AATK: variants seen among roughly 807,000 people sequenced by gnomAD.
AATK encodes serine/threonine-protein kinase LMTK1.
A neutral mutation model predicts 114.3 loss-of-function variants in AATK; 91 were observed. The ratio of observed to expected loss-of-function variants is 0.80; its 90% CI spans 0.67 to 0.95. The LOEUF is 0.95. AATK is among the 40% of genes least tolerant of loss of function. AATK has a pLI of 0.00. For missense variants in AATK, 2,176 were observed against 1,965.2 expected (o/e 1.11, Z -2.03); for synonymous variants, 1,075 against 916.5 (o/e 1.17, Z -3.12).
At chr17:81,119,261 CGG>C in intron 13 of AATK, 117 bp downstream of exon 13, 1 of 1,082,450 alleles carries the variant, frequency 9.2e-7, no homozygotes, top group Non-Finnish European at 1.2e-6. Flanking sequence ...CGGGAAGGAG[CGG>C]AGCGGAGCGG....
At chr17:81,165,264 G>A (rs966597229) in intron 1 of AATK, among the ~76,000 whole-genome samples, 2 of 152,242 alleles carry the variant, frequency 1.3e-5, no homozygotes, top group Admixed American at 1.3e-4. Flanking sequence ...ACAGCCAGGA[G>A]GCCAGGCAGC....
chr17:81,125,248 G>C (rs747701156), intron 7 of AATK: 8 of 721,228 alleles, frequency 1.1e-5, no homozygotes, highest in South Asian at 1.0e-4. Flanking sequence ...GGGAGGGACT[G>C]TGTGCGTGGG....
At chr17:81,125,216 C>T in intron 7 of AATK, 3 of 675,782 alleles carry the variant, frequency 4.4e-6, no homozygotes, top group South Asian at 3.3e-5. Context: ...GGGCCCTACT[C>T]TGTGCCCAAC....
At chr17:81,129,204 G>T (rs1044072753) in intron 3 of AATK, among the ~76,000 whole-genome samples, 1 of 152,260 alleles carries the variant, frequency 6.6e-6, no homozygotes, top group Non-Finnish European at 1.5e-5. Flanking sequence ...GCCTGGGTCT[G>T]AGCCTGGCTG....
chr17:81,125,769 G>A (rs887211186), intron 7 of AATK: 43 of 388,174 alleles, frequency 1.1e-4, no homozygotes, highest in Non-Finnish European at 2.1e-4. Context: ...CTGCGTGCCA[G>A]GGGATCGCTA....
intron 3 of AATK, 73 bp downstream of exon 3, chr17:81,130,988 C>T: frequency 2.7e-6 from 4 of 1,506,472 alleles, no homozygotes; most frequent in Non-Finnish European, 2.7e-6. Flanking sequence ...CTTCCGGTCT[C>T]CCCAGATCAC....
At position 81,123,501 on chromosome 17, in the gene AATK, C is replaced by T. The variant is rs537183457; in HGVS notation, c.963-158G>A. On this transcript the variant is annotated intron_variant, in intron 9 of 13. Coordinates refer to ENST00000326724, the MANE Select transcript of AATK (RefSeq NM_001080395.3). ...ACCAGCCGCCCCTCCCTGAGGACAG[C>T]GCGTCCTTTCAGCAGGCAATGTGCA... is the stretch of plus-strand genomic sequence containing the variant. Among the ~76,000 whole-genome samples, 214 of 152,286 alleles carry T rather than the reference C, an allele frequency of 1.4e-3. 1 individual carries two copies. The highest frequency in any genetic ancestry group is 5.0e-3 in the African/African-American group (207 of 41,568).
At chr17:81,161,265 C>T (rs532800155) in intron 1 of AATK, among the ~76,000 whole-genome samples, 14 of 152,220 alleles carry the variant, frequency 9.2e-5, no homozygotes, top group African/African-American at 3.1e-4. Flanking sequence ...ATCCTTCCTG[C>T]CTCTCCGGCA....
chr17:81,158,230 G>A (rs1291500558), intron 1 of AATK, among the ~76,000 whole-genome samples: 1 of 152,252 alleles, frequency 6.6e-6, no homozygotes, highest in Non-Finnish European at 1.5e-5. Flanking sequence ...GCGGCAGAGA[G>A]CAGGGCGGGG....
At chr17:81,128,925 T>A (rs1598925757) in intron 3 of AATK, 1 of 1,120,420 alleles carries the variant, frequency 8.9e-7, no homozygotes, top group East Asian at 6.2e-5. Context: ...GAGAGGGCAC[T>A]GGAGCGGCCC....
intron 1 of AATK, 89 bp downstream of exon 1, chr17:81,165,849 C>T: frequency 5.9e-6 from 9 of 1,528,238 alleles, no homozygotes; most frequent in Non-Finnish European, 7.9e-6. Context: ...GGTTAATTTC[C>T]ATGCAAACCG....
At chr17:81,149,344 C>T (rs1396486086) in intron 1 of AATK, among the ~76,000 whole-genome samples, 2 of 152,158 alleles carry the variant, frequency 1.3e-5, no homozygotes, top group Admixed American at 6.5e-5. Flanking sequence ...CCCAACCACA[C>T]ACAGCTGAGG....
At position 81,124,157 on chromosome 17, in the gene AATK, C is replaced by T. The variant is rs559323565; in HGVS notation, c.962+570G>A. ...GAAGCAGAAGGCGGCCAGACCAAAGCCCGGGAGTGGTGGGGGCGGTTGGGG... is the reference window on the plus strand; with the variant it reads ...GAAGCAGAAGGCGGCCAGACCAAAGTCCGGGAGTGGTGGGGGCGGTTGGGG... On this transcript the variant is annotated intron_variant, in intron 9 of 13. Coordinates refer to ENST00000326724, the MANE Select transcript of AATK (RefSeq NM_001080395.3). Among the ~76,000 whole-genome samples, 158 of 137,880 alleles carry T rather than the reference C, an allele frequency of 1.1e-3. 2 individuals are homozygous for T. The highest frequency in any genetic ancestry group is 4.3e-3 in the African/African-American group (155 of 35,766). The allele number at this position is 137,880 out of a possible 152,430, so 90.5% of individuals were successfully genotyped here. A position where few individuals can be genotyped will look rare whatever the true frequency, so the allele number is the denominator to read the frequency against.
At chr17:81,156,138 C>CATGT (rs2061360720) in intron 1 of AATK, among the ~76,000 whole-genome samples, 1 of 9,874 alleles carries the variant, frequency 1.0e-4, no homozygotes. Context: ...ATGTATGTTA[C>CATGT]TATGTTACAA....
chr17:81,143,485 CCTGCCTCCCGTGTCCACG>C, intron 1 of AATK, among the ~76,000 whole-genome samples: 1 of 46,692 alleles, frequency 2.1e-5, no homozygotes, highest in Non-Finnish European at 4.9e-5. Context: ...CCACGCAGCC[CCTGCCTCCCGTGTCCACG>C]CAGCCTCACT....
At chr17:81,139,313 G>A (rs1397294830) in intron 1 of AATK, among the ~76,000 whole-genome samples, 1 of 152,210 alleles carries the variant, frequency 6.6e-6, no homozygotes, top group Admixed American at 6.5e-5. Context: ...CCCACTAGCA[G>A]GTGGGGAGGC....
chr17:81,121,182 C>T lies in AATK; in HGVS notation c.2754G>A (p.Glu918=). 1 of 1,602,802 alleles carries T rather than the reference C, an allele frequency of 6.2e-7. No individual in the cohort carries two copies. Among genetic ancestry groups the T allele is most frequent in the African/African-American group, 1.3e-5 (1 of 74,858 alleles). Residue 918 remains glutamate (E), a synonymous_variant, in exon 11 of 14, where the codon GAG becomes GAA. Coordinates refer to ENST00000326724, the MANE Select transcript of AATK (RefSeq NM_001080395.3). ...GGCCAGTGGCCGACGGGCTGAAGAC[C>T]TCATAGCCACCATCACTGGCTGAGG... The part of the protein sequence containing the change: ...IPSSASDGGY[E]VFSPSATGPS...
chr17:81,127,632 T>C lies in AATK; in HGVS notation c.572A>G (p.Gln191Arg). ...CAGGTAGGGCGTCACCTCGGCGCAC[T>C]GGGCCAGGCACTGGAGCAGGTTGCT... is the stretch of plus-strand genomic sequence containing the variant. ...KHSNLLQCLAQCAEVTPYLLV... is the reference protein window; with the variant it reads ...KHSNLLQCLARCAEVTPYLLV... The change falls in exon 6 of 14, where the codon CAG (glutamine) becomes CGG (arginine). Residue 191 changes from glutamine to arginine, a missense_variant. Gln to Arg is a conservative substitution (Grantham distance 43). Around this residue, in one of 4 missense-constraint regions of AATK, gnomAD observed 273 missense variants for 344.1 expected, o/e 0.79. Transcript: ENST00000326724. The C allele has an allele frequency of 6.3e-7, 1 of 1,599,340 alleles. No homozygotes were observed. The highest frequency in any genetic ancestry group is 1.3e-5 in the African/African-American group (1 of 74,474).
At chr17:81,158,375 C>CTGCG (rs2061392109) in intron 1 of AATK, among the ~76,000 whole-genome samples, 2 of 152,240 alleles carry the variant, frequency 1.3e-5, no homozygotes, top group African/African-American at 4.8e-5. Flanking sequence ...GAGAAGGTGC[C>CTGCG]TGAGCCTGGC....
Sources: allele counts gnomAD v4.1 joint callset (sites outside exome capture counted in the v4.1 genomes callset), GRCh38; gene constraint gnomAD v4.1.1; regional missense constraint gnomAD v4.1.1; transcripts MANE v1.5; gene names NCBI Gene and HGNC (gene_info 2026-07-23, HGNC 2026-07-21).